TTC39C: variants seen among roughly 807,000 people sequenced by gnomAD.
TTC39C encodes tetratricopeptide repeat domain 39C.
TTC39C carries 33 observed loss-of-function variants against 76.3 expected under a neutral mutation model. The observed-to-expected ratio is 0.43, with a 90% CI of 0.33 to 0.58. The LOEUF (loss-of-function observed/expected upper bound fraction) is 0.58. Among genes scored for constraint, TTC39C ranks in the 20% least tolerant of loss-of-function variants. The pLI, the probability that TTC39C is intolerant of heterozygous loss-of-function variation, is 0.04. For missense variants in TTC39C, 595 were observed against 701.4 expected, an observed-to-expected ratio of 0.85 and a Z score of 1.71; for synonymous variants, 254 against 260.6, an observed-to-expected ratio of 0.97 and a Z score of 0.24.
intron 1 of TTC39C, among the ~76,000 whole-genome samples, chr18:24,025,146 G>A (rs2083584254): frequency 1.3e-5 from 2 of 152,294 alleles, no homozygotes; most frequent in South Asian, 2.1e-4. Flanking sequence ...TGGGATTACA[G>A]TCATGAGCCA....
chr18:24,046,872 C>T (rs1230712997), intron 1 of TTC39C, among the ~76,000 whole-genome samples: 1 of 151,522 alleles, frequency 6.6e-6, no homozygotes, highest in Non-Finnish European at 1.5e-5. Context: ...TTCATGCTTC[C>T]ACAGAAAAAA....
chr18:24,063,927 T>C (rs961177330), intron 1 of TTC39C, among the ~76,000 whole-genome samples: 2 of 152,224 alleles, frequency 1.3e-5, no homozygotes, highest in African/African-American at 4.8e-5. Context: ...CTTTGAAGAA[T>C]CAGAGGCAAA....
Position 24,132,690 on chromosome 18 carries a change from G to A in TTC39C, c.*116G>A. 2 of 739,780 alleles carry A rather than the reference G, an allele frequency of 2.7e-6. No individual in the cohort carries two copies. The highest frequency in any genetic ancestry group is 4.3e-6 in the Non-Finnish European group (2 of 466,568). 45.8% of individuals were successfully genotyped at this position (739,780 alleles called of 1,614,324 possible). ...TTCTTCTGAAAACCACCTGTGCCAG[G>A]GACACATTTTCCCAGTTAAGCTGAC... is the stretch of plus-strand genomic sequence containing the variant. On this transcript the variant is annotated 3_prime_UTR_variant, in exon 14 of 14. Transcript: ENST00000317571.
chr18:24,107,897 G>T (rs1366840378), intron 6 of TTC39C, among the ~76,000 whole-genome samples: 1 of 142,178 alleles, frequency 7.0e-6, no homozygotes, highest in Non-Finnish European at 1.6e-5. Flanking sequence ...TAGGGGGGGG[G>T]GTACAGGCAT....
At chr18:24,000,040 A>G (rs1309298323) in intron 1 of TTC39C, among the ~76,000 whole-genome samples, 1 of 152,126 alleles carries the variant, frequency 6.6e-6, no homozygotes, top group Non-Finnish European at 1.5e-5. Flanking sequence ...GGGCCCAAAC[A>G]CCACTACCAT....
intron 6 of TTC39C, among the ~76,000 whole-genome samples, chr18:24,104,255 G>A (rs2084716668): frequency 1.3e-5 from 2 of 152,032 alleles, no homozygotes; most frequent in Non-Finnish European, 2.9e-5. Flanking sequence ...TCTTATAATG[G>A]TCATCAGGGC....
At chr18:24,119,501 A>G (rs2084938910) in intron 8 of TTC39C, among the ~76,000 whole-genome samples, 1 of 152,190 alleles carries the variant, frequency 6.6e-6, no homozygotes, top group Non-Finnish European at 1.5e-5. Context: ...ACATTGACCA[A>G]TAAGGATATT....
chr18:24,109,804 AGACCAG>A (rs566439349), intron 6 of TTC39C, among the ~76,000 whole-genome samples: 2 of 152,272 alleles, frequency 1.3e-5, no homozygotes, highest in South Asian at 4.1e-4. Context: ...CGGGAGCTCG[AGACCAG>A]CCTGGCCAAC....
chr18:24,020,077 G>A (rs1302465351), intron 1 of TTC39C: 7 of 1,346,962 alleles, frequency 5.2e-6, no homozygotes, highest in East Asian at 3.0e-5. Context: ...TCCTGGAGAC[G>A]ATAGGAGAGT....
intron 1 of TTC39C, among the ~76,000 whole-genome samples, chr18:23,993,644 C>T (rs2083237311): frequency 6.6e-6 from 1 of 152,064 alleles, no homozygotes; most frequent in African/African-American, 2.4e-5. Context: ...TTTTACTAGC[C>T]TTGACCAGCT....
Position 24,061,238 on chromosome 18 carries a change from T to TA in TTC39C, c.168-2902_168-2901insA, listed in dbSNP as rs1477826913. Among the ~76,000 whole-genome samples the TA allele has an allele frequency of 2.0e-3, 303 of 148,500 alleles. 1 individual carries two copies. The highest frequency in any genetic ancestry group is 5.7e-3 in the African/African-American group (221 of 38,996). ...AATATTTAGTCTTCTTTTTTTTTTTTTAAAAAAATAGGTTTTTCACTATGG... is the reference window on the plus strand; with the variant it reads ...AATATTTAGTCTTCTTTTTTTTTTTTATAAAAAAATAGGTTTTTCACTATGG... On this transcript the variant is annotated intron_variant, in intron 1 of 13. Coordinates refer to ENST00000317571, the MANE Select transcript of TTC39C (RefSeq NM_001135993.2).
At position 24,061,593 on chromosome 18, in the gene TTC39C, TAAAAAAAA is replaced by T. The variant is rs35502981; in HGVS notation, c.168-2531_168-2524del. On this transcript the variant is annotated intron_variant, in intron 1 of 13. Coordinates refer to ENST00000317571, the MANE Select transcript of TTC39C (RefSeq NM_001135993.2). ...TTAACTTAGGATCACTTGAAATAAG[TAAAAAAAA>T]AAAAAAAAAAAAAAAGCGTGGGCTG... Among the ~76,000 whole-genome samples, 3 of 95,794 alleles carry T rather than the reference TAAAAAAAA, an allele frequency of 3.1e-5. No individual in the cohort carries two copies. In the South Asian group the frequency reaches 1.1e-3, roughly 36 times the overall value. 62.8% of individuals were successfully genotyped at this position (95,794 alleles called of 152,430 possible).
intron 1 of TTC39C, among the ~76,000 whole-genome samples, chr18:24,007,486 C>T (rs941998149): frequency 2.0e-5 from 3 of 152,118 alleles, no homozygotes; most frequent in African/African-American, 2.4e-5. Context: ...TGGGTTCAAG[C>T]GATTCTCCTG....
chr18:24,036,268 G>A (rs889994610), intron 1 of TTC39C, among the ~76,000 whole-genome samples: 26 of 152,172 alleles, frequency 1.7e-4, no homozygotes, highest in African/African-American at 5.8e-4. Flanking sequence ...CATAGAAGAC[G>A]TTGGTATTTT....
chr18:24,084,815 C>A (rs1347019031), intron 6 of TTC39C, among the ~76,000 whole-genome samples: 1 of 152,104 alleles, frequency 6.6e-6, no homozygotes, highest in Non-Finnish European at 1.5e-5. Context: ...CTGTGCGACA[C>A]CATGCCTGGC....
At chr18:24,055,746 T>C (rs2084007013) in intron 1 of TTC39C, among the ~76,000 whole-genome samples, 1 of 152,196 alleles carries the variant, frequency 6.6e-6, no homozygotes, top group South Asian at 2.1e-4. Flanking sequence ...AATTTTGATG[T>C]AGTTCCATTT....
At position 24,069,139 on chromosome 18, in the gene TTC39C, A is replaced by G. The variant is rs369387679; in HGVS notation, c.346-18A>G. 33 of 1,595,208 alleles carry G rather than the reference A, an allele frequency of 2.1e-5. No individual in the cohort carries two copies. Among genetic ancestry groups the G allele is most frequent in the Non-Finnish European group, 2.7e-5 (31 of 1,162,932 alleles). On this transcript the variant is annotated intron_variant, in intron 3 of 13. Coordinates refer to ENST00000317571, the MANE Select transcript of TTC39C (RefSeq NM_001135993.2). Reference sequence around the variant, plus strand: ...TTATGTGTGATTTATCAGTGTGGACATTCTTTCTGCCAAACAGGTTGATGT... The same window carrying G: ...TTATGTGTGATTTATCAGTGTGGACGTTCTTTCTGCCAAACAGGTTGATGT...
chr18:24,067,239 C>T (rs141797544), intron 3 of TTC39C, among the ~76,000 whole-genome samples: 1,820 of 152,306 alleles, frequency 0.012, 18 homozygotes, highest in Non-Finnish European at 0.019. Flanking sequence ...CGTTTTATAA[C>T]GTCTAATCAA....
chr18:24,074,342 G>A (rs1379537316), intron 4 of TTC39C, among the ~76,000 whole-genome samples: 2 of 152,260 alleles, frequency 1.3e-5, no homozygotes, highest in East Asian at 1.9e-4. Flanking sequence ...TTCATGCCTA[G>A]TGTTCCATTA....
Sources: allele counts gnomAD v4.1 joint callset (sites outside exome capture counted in the v4.1 genomes callset), GRCh38; gene constraint gnomAD v4.1.1; transcripts MANE v1.5; gene names NCBI Gene and HGNC (gene_info 2026-07-23, HGNC 2026-07-21).